The following ANK3 variants were observed in gnomAD, a reference collection of about 807,000 sequenced individuals.
The protein encoded by ANK3 is ankyrin 3.
In ANK3, 57 loss-of-function variants were observed where a neutral mutation model predicts 370.9. That is an observed-to-expected ratio of 0.15 (90% CI 0.12 to 0.19). The LOEUF (loss-of-function observed/expected upper bound fraction) is 0.19, where lower values mean the gene tolerates loss of function less well. Among genes scored for constraint, ANK3 ranks in the 10% least tolerant of loss-of-function variants. ANK3 has a pLI of 1.00. For synonymous variants in ANK3, 1,929 were observed against 1,946.3 expected (o/e 0.99, Z 0.23); for missense variants, 4,439 against 5,302.1 (o/e 0.84, Z 5.06).
chr10:60,444,465 A>T (rs1462497471), intron 2 of ANK3, among the ~76,000 whole-genome samples: 1 of 149,936 alleles, frequency 6.7e-6, no homozygotes, highest in Admixed American at 6.7e-5. Flanking sequence ...TATATATATA[A>T]AGACTAATGA....
chr10:60,427,962 A>T (rs568823542), intron 2 of ANK3, among the ~76,000 whole-genome samples: 2 of 152,226 alleles, frequency 1.3e-5, no homozygotes, highest in South Asian at 4.1e-4. Flanking sequence ...AACACCTCAG[A>T]TCTTCCTTGA....
At chr10:60,036,028 A>G (rs946371127) in intron 43 of ANK3, among the ~76,000 whole-genome samples, 2 of 152,160 alleles carry the variant, frequency 1.3e-5, no homozygotes, top group African/African-American at 4.8e-5. Context: ...AGAATCAGGA[A>G]ATCCAGACCT....
chr10:60,398,423 ATG>A (rs1403552196), intron 2 of ANK3, among the ~76,000 whole-genome samples: 23 of 152,118 alleles, frequency 1.5e-4, no homozygotes, highest in Admixed American at 1.4e-3. Context: ...TGGAATATTT[ATG>A]TGTACATACA....
exon 1 of ANK3, chr10:60,733,372 G>T: frequency 8.2e-7 from 1 of 1,221,646 alleles, no homozygotes; most frequent in Non-Finnish European, 1.0e-6. Flanking sequence ...TCTCCTCCCC[G>T]TCCCGCTCCT....
intron 1 of ANK3, among the ~76,000 whole-genome samples, chr10:60,371,589 C>T (rs1566900396): frequency 1.3e-5 from 2 of 152,098 alleles, no homozygotes; most frequent in East Asian, 1.9e-4. Context: ...ACAACAAATA[C>T]TCAAATGTTT....
intron 1 of ANK3, among the ~76,000 whole-genome samples, chr10:60,732,244 C>T (rs533190570): frequency 6.6e-6 from 1 of 152,314 alleles, no homozygotes; most frequent in East Asian, 1.9e-4. Context: ...CCTCCTCACC[C>T]TCTCATTTGT....
chr10:60,167,182 C>A (rs113174499), intron 21 of ANK3, among the ~76,000 whole-genome samples: 4 of 152,096 alleles, frequency 2.6e-5, no homozygotes, highest in African/African-American at 9.7e-5. Flanking sequence ...GAAGATTCTG[C>A]CCCTCCTACT....
chr10:60,091,025 C>A (rs2088210990), intron 28 of ANK3, among the ~76,000 whole-genome samples: 1 of 152,216 alleles, frequency 6.6e-6, no homozygotes, highest in Non-Finnish European at 1.5e-5. Flanking sequence ...CTGCTTTGGC[C>A]TCCTGAATAG....
At chr10:60,600,373 C>T (rs2078044535) in intron 2 of ANK3, among the ~76,000 whole-genome samples, 2 of 152,128 alleles carry the variant, frequency 1.3e-5, no homozygotes. Context: ...ATATCTGATG[C>T]TCCTGCATAC....
rs186704098 is a variant in ANK3 at position 60,538,634 on chromosome 10, G to T, written c.96+76552C>A. 2.2e-4 allele frequency among the ~76,000 whole-genome samples: 33 copies of T among 152,008 alleles called. 1 individual carries two copies. The East Asian group carries it at 6.2e-3, about 28-fold the overall frequency. On this transcript the variant is annotated intron_variant, in intron 2 of 43. Coordinates refer to the ANK3 transcript ENST00000373827. ...ATCCACTCGACACTAGGCCAGATATGTAGAAAGAATGCTCACACACATTTA... is the reference window on the plus strand; with the variant it reads ...ATCCACTCGACACTAGGCCAGATATTTAGAAAGAATGCTCACACACATTTA...
At chr10:60,106,234 A>T (rs528268159) in intron 27 of ANK3, among the ~76,000 whole-genome samples, 175 bp from the exon 28 acceptor site, 292 of 152,322 alleles carry the variant, frequency 1.9e-3, no homozygotes, top group Middle Eastern at 3.4e-3. Flanking sequence ...GAAGCCTGAA[A>T]ACATGCCATC....
intron 2 of ANK3, among the ~76,000 whole-genome samples, chr10:60,407,727 T>C (rs751249681): frequency 1.3e-5 from 2 of 152,226 alleles, no homozygotes; most frequent in Non-Finnish European, 2.9e-5. Context: ...GACTTTCACA[T>C]AGGGCTCAGA....
chr10:60,624,304 G>A (rs538158342), intron 1 of ANK3, among the ~76,000 whole-genome samples: 2 of 152,232 alleles, frequency 1.3e-5, no homozygotes, highest in Admixed American at 6.5e-5. Flanking sequence ...AGTCGATAAA[G>A]TACAAAGTAT....
At position 60,072,226 on chromosome 10, in the gene ANK3, G is replaced by A; in HGVS notation, c.8655C>T (p.His2885=). 1 of 1,613,976 alleles carries A rather than the reference G, an allele frequency of 6.2e-7. No homozygotes were observed. Among genetic ancestry groups the A allele is most frequent in the South Asian group, 1.1e-5 (1 of 91,064 alleles). ...TTTGATCAACACTTTTACTCTCAGG[G>A]TGACCAATGTGATTCTCTCTTACAT... is the stretch of plus-strand genomic sequence containing the variant. ...VHDVRENHIG[H]PESKSVDQKN... Residue 2885 remains histidine, a synonymous_variant, in exon 37 of 44, where the codon CAC becomes CAT. Coordinates refer to ENST00000280772, the MANE Select transcript of ANK3 (RefSeq NM_020987.5).
intron 16 of ANK3, among the ~76,000 whole-genome samples, chr10:60,195,085 A>C (rs1347065140): frequency 6.6e-6 from 1 of 152,162 alleles, no homozygotes; most frequent in Non-Finnish European, 1.5e-5. Flanking sequence ...AGCAAATCAA[A>C]GATGTAAAAA....
chr10:60,395,664 T>C (rs567692169), intron 2 of ANK3, among the ~76,000 whole-genome samples: 1 of 151,020 alleles, frequency 6.6e-6, no homozygotes, highest in East Asian at 2.0e-4. Flanking sequence ...CTTTCTTTCT[T>C]TTGTAGAGGT....
intron 1 of ANK3, among the ~76,000 whole-genome samples, chr10:60,623,330 T>C (rs1428363746): frequency 6.6e-6 from 1 of 152,108 alleles, no homozygotes; most frequent in Admixed American, 6.6e-5. Context: ...CAAAAAGGAA[T>C]CAAATAAATC....
chr10:60,036,091 A>T (rs1443570998), intron 43 of ANK3, among the ~76,000 whole-genome samples: 1 of 152,086 alleles, frequency 6.6e-6, no homozygotes, highest in African/African-American at 2.4e-5. Context: ...GTCACTGTTC[A>T]TTGCTTAGTA....
chr10:60,154,650 C>T (rs557168558), intron 23 of ANK3, among the ~76,000 whole-genome samples: 8 of 152,050 alleles, frequency 5.3e-5, no homozygotes, highest in Non-Finnish European at 1.2e-4. Context: ...CAAAAATTAG[C>T]CAGGCATGGT....
Sources: allele counts gnomAD v4.1 joint callset (sites outside exome capture counted in the v4.1 genomes callset), GRCh38; gene constraint gnomAD v4.1.1; transcripts MANE v1.5; gene names NCBI Gene and HGNC (gene_info 2026-07-23, HGNC 2026-07-21).